TSTD2: variants seen among roughly 807,000 people sequenced by gnomAD.
The protein encoded by TSTD2 is thiosulfate sulfurtransferase/rhodanese-like domain-containing protein 2.
Under a neutral mutation model 47.9 loss-of-function variants are expected in TSTD2, and 37 were observed. That is an observed-to-expected ratio of 0.77 (90% CI 0.59 to 1.02). The LOEUF is 1.02. Among genes scored for constraint, TSTD2 ranks in the 50% least tolerant of loss-of-function variants. TSTD2 has a pLI of 0.00. For synonymous variants in TSTD2, 201 were observed against 215.9 expected (o/e 0.93, Z 0.61); for missense variants, 586 against 616.0 (o/e 0.95, Z 0.52).
In TSTD2 at chr9:97,612,132, G is replaced by A. The variant is rs560348500; in HGVS notation, c.604-433C>T. Among the ~76,000 whole-genome samples the A allele has an allele frequency of 8.5e-5, 13 of 152,204 alleles. No homozygotes were observed. The South Asian group carries it at 2.1e-3, about 24-fold the overall frequency. On this transcript the variant is annotated intron_variant, in intron 4 of 9. Transcript: ENST00000341170. Reference sequence around the variant, plus strand: ...GTAGTATTTGGTTTTCTCTTCCTGCGTTAGTTTGCTAAGGATAATGGCTCC... The same window carrying A: ...GTAGTATTTGGTTTTCTCTTCCTGCATTAGTTTGCTAAGGATAATGGCTCC...
intron 6 of TSTD2, among the ~76,000 whole-genome samples, chr9:97,607,305 G>T (rs1223651558): frequency 6.6e-6 from 1 of 152,206 alleles, no homozygotes; most frequent in Admixed American, 6.5e-5. Flanking sequence ...AACTTTTGGT[G>T]AATCTGCATT....
At chr9:97,612,728 G>A (rs913694905) in intron 4 of TSTD2, among the ~76,000 whole-genome samples, 7 of 152,158 alleles carry the variant, frequency 4.6e-5, no homozygotes, top group African/African-American at 1.2e-4. Context: ...GCTAATGTTC[G>A]TATTTTTAGT....
Position 97,602,501 on chromosome 9 carries a change from C to G in TSTD2, c.1519G>C (p.Asp507His). The G allele has an allele frequency of 1.2e-6, 2 of 1,612,974 alleles. No individual in the cohort carries two copies. The highest frequency in any genetic ancestry group is 1.1e-5 in the South Asian group (1 of 90,798). ...RQPVSPEPGP[D>H]ADEDGPVLM ...AGCACTGGCCCATCCTCATCAGCAT[C>G]AGGCCCTGGCTCTGGGCTCACAGGC... The change falls in exon 10 of 10, where the codon GAT becomes CAT. Residue 507 changes from aspartate (D) to histidine (H), a missense_variant. Coordinates refer to ENST00000341170, the MANE Select transcript of TSTD2 (RefSeq NM_139246.5).
intron 1 of TSTD2, among the ~76,000 whole-genome samples, chr9:97,631,856 T>G (rs972176703): frequency 6.8e-6 from 1 of 147,992 alleles, no homozygotes; most frequent in African/African-American, 2.5e-5. Context: ...AAAAAAAAAA[T>G]CATACTCCAA....
intron 6 of TSTD2, 175 bp downstream of exon 6, chr9:97,610,171 C>T: frequency 2.1e-6 from 1 of 477,870 alleles, no homozygotes; most frequent in Non-Finnish European, 3.8e-6. Flanking sequence ...AGTCTTCAAC[C>T]CCACAGCACC....
At chr9:97,629,585 G>A (rs1826776815) in intron 1 of TSTD2, among the ~76,000 whole-genome samples, 2 of 152,196 alleles carry the variant, frequency 1.3e-5, no homozygotes, top group African/African-American at 4.8e-5. Context: ...CCTTTCTCAT[G>A]AAAATGTCTT....
chr9:97,602,297 A>AG lies in TSTD2; in HGVS notation c.*171dup, dbSNP rs1360592752. ...AATCAGAATGTCTCAGGTAAGTGGTAGACAACGTGACTCCTCCCCTCCCGC... is the reference window on the plus strand; with the variant it reads ...AATCAGAATGTCTCAGGTAAGTGGTAGGACAACGTGACTCCTCCCCTCCCGC... On this transcript the variant is annotated 3_prime_UTR_variant, in exon 10 of 10. Coordinates refer to ENST00000341170, the MANE Select transcript of TSTD2 (RefSeq NM_139246.5). 2.8e-6 allele frequency: 2 copies of AG among 710,412 alleles called. No homozygotes were observed. Among genetic ancestry groups the AG allele is most frequent in the African/African-American group, 3.6e-5 (2 of 56,000 alleles). The allele number at this position is 710,412 out of a possible 1,614,324, so 44.0% of individuals were successfully genotyped here.
At chr9:97,614,117 C>T (rs1305401305) in intron 4 of TSTD2, among the ~76,000 whole-genome samples, 5 of 152,112 alleles carry the variant, frequency 3.3e-5, no homozygotes, top group Admixed American at 1.3e-4. Context: ...CATGAACCAT[C>T]GCACCCAGCC....
chr9:97,606,326 C>T (rs1826365145), intron 6 of TSTD2, 65 bp from the exon 7 acceptor site: 11 of 921,458 alleles, frequency 1.2e-5, no homozygotes, highest in Non-Finnish European at 1.8e-5. Context: ...AATCATGACT[C>T]ACCCAGCCTG....
rs1487130451 is a variant in TSTD2, at chr9:97,600,591, A to G, written c.*1878T>C. 1 of 986,204 alleles carries G rather than the reference A, an allele frequency of 1.0e-6. No individual in the cohort carries two copies. Among genetic ancestry groups the G allele is most frequent in the African/African-American group, 1.7e-5 (1 of 57,240 alleles). 61.1% of individuals were successfully genotyped at this position (986,204 alleles called of 1,614,324 possible). Reference sequence around the variant, plus strand: ...ACTAGAGGGATAAATTTCCAGATCAACATGGCTATGGTATTTAGTAATGGC... The same window carrying G: ...ACTAGAGGGATAAATTTCCAGATCAGCATGGCTATGGTATTTAGTAATGGC... On this transcript the variant is annotated 3_prime_UTR_variant, in exon 10 of 10. Coordinates refer to ENST00000341170, the MANE Select transcript of TSTD2 (RefSeq NM_139246.5).
Position 97,601,648 on chromosome 9 carries a change from C to A in TSTD2, c.*821G>T. The A allele has an allele frequency of 1.1e-6, 1 of 895,022 alleles. No individual in the cohort carries two copies. Among genetic ancestry groups the A allele is most frequent in the Non-Finnish European group, 1.3e-6 (1 of 746,636 alleles). 55.4% of individuals were successfully genotyped at this position (895,022 alleles called of 1,614,324 possible). ...CAGTAAAAATTTCCGATTTTGCAGG[C>A]CACATAGTGTCTGTTGCAACTATTC... On this transcript the variant is annotated 3_prime_UTR_variant, in exon 10 of 10. Coordinates refer to ENST00000341170, the MANE Select transcript of TSTD2 (RefSeq NM_139246.5).
rs139843158 is a variant in TSTD2 at position 97,610,062 on chromosome 9, A to G, written c.835+284T>C. The G allele has an allele frequency of 1.8e-3, 426 of 240,002 alleles. 6 individuals carry two copies. Among genetic ancestry groups the G allele is most frequent in the African/African-American group, 7.9e-3 (350 of 44,390 alleles). The allele number at this position is 240,002 out of a possible 1,614,324, so 14.9% of individuals were successfully genotyped here. ...GCTAATGAACTGTTTACAAGTAATA[A>G]TTACACTCTTCCCAAACTGCTTGCT... On this transcript the variant is annotated intron_variant, in intron 6 of 9. Transcript: ENST00000341170.
At chr9:97,613,759 AT>A (rs973116631) in intron 4 of TSTD2, among the ~76,000 whole-genome samples, 3 of 151,764 alleles carry the variant, frequency 2.0e-5, no homozygotes, top group African/African-American at 7.3e-5. Context: ...TAATTTGAAA[AT>A]TTTTAATGGC....
intron 6 of TSTD2, among the ~76,000 whole-genome samples, chr9:97,608,922 A>G (rs1041480547): frequency 6.6e-6 from 1 of 152,074 alleles, no homozygotes; most frequent in African/African-American, 2.4e-5. Flanking sequence ...AACACCATGG[A>G]GTCAACCAGA....
chr9:97,627,474 A>C lies in TSTD2; in HGVS notation c.89T>G (p.Leu30Arg), dbSNP rs1423046336. ...TTTAAGACTGCTGCTGGGATTAATA[A>C]GACTCATATCTTTTAAATCCAGGTC... is the stretch of plus-strand genomic sequence containing the variant. The part of the protein sequence containing the change: ...FSDLDLKDMS[L>R]INPSSSLKAE... The change falls in exon 2 of 10, where the codon CTT (leucine) becomes CGT (arginine). Residue 30 changes from leucine to arginine, a missense_variant. Physicochemically the swap from Leu to Arg is moderately radical, Grantham distance 102 (BLOSUM62 -2). Transcript: ENST00000341170. The C allele has an allele frequency of 6.2e-7, 1 of 1,613,722 alleles. No individual in the cohort carries two copies. Among genetic ancestry groups the C allele is most frequent in the South Asian group, 1.1e-5 (1 of 91,052 alleles).
chr9:97,617,900 A>G (rs1826571935), intron 3 of TSTD2, 23 bp from the exon 4 acceptor site: 1 of 1,602,782 alleles, frequency 6.2e-7, no homozygotes, highest in Admixed American at 1.8e-5. Context: ...AATCCAAGGC[A>G]AAGAGCATTT....
intron 4 of TSTD2, among the ~76,000 whole-genome samples, chr9:97,617,496 G>GT (rs1052780286): frequency 7.2e-5 from 11 of 152,280 alleles, no homozygotes; most frequent in Admixed American, 3.3e-4. Flanking sequence ...AAACTGAATA[G>GT]TTTTTTGTGC....
At chr9:97,628,204 C>T (rs999608625) in intron 1 of TSTD2, among the ~76,000 whole-genome samples, 3 of 152,222 alleles carry the variant, frequency 2.0e-5, no homozygotes, top group African/African-American at 7.2e-5. Context: ...GACAGCCCCA[C>T]TGTAATATGC....
chr9:97,610,264 G>T, intron 6 of TSTD2, 82 bp downstream of exon 6: 2 of 1,267,026 alleles, frequency 1.6e-6, no homozygotes, highest in South Asian at 1.4e-5. Context: ...GACTGCTGCT[G>T]ATCACAGTGC....
Sources: allele counts gnomAD v4.1 joint callset (sites outside exome capture counted in the v4.1 genomes callset), GRCh38; gene constraint gnomAD v4.1.1; transcripts MANE v1.5; gene names NCBI Gene and HGNC (gene_info 2026-07-23, HGNC 2026-07-21).